The following WDR72 variants were observed in gnomAD, a reference collection of about 807,000 sequenced individuals.
WDR72 encodes the protein WD repeat-containing protein 72.
Under a neutral mutation model 124.2 loss-of-function variants are expected in WDR72, and 120 were observed. The ratio of observed to expected loss-of-function variants is 0.97; its 90% CI spans 0.83 to 1.12. The LOEUF (loss-of-function observed/expected upper bound fraction) is 1.12. Ranked by LOEUF, WDR72 falls within the 50% of genes most tolerant of loss-of-function variation. The pLI, the probability that WDR72 is intolerant of heterozygous loss-of-function variation, is 0.00. For synonymous variants in WDR72, 452 were observed against 441.7 expected (o/e 1.02, Z -0.29); for missense variants, 1,387 against 1,278.8 (o/e 1.08, Z -1.29).
rs190418311 is a variant in WDR72, at chr15:53,565,504, G to A, written c.3148+31575C>T. On this transcript the variant is annotated intron_variant, in intron 18 of 19. Coordinates refer to ENST00000360509, the MANE Select transcript of WDR72 (RefSeq NM_182758.4). ...GCCAAGACCTATTCTCCACACTCCTGTTCCAGTAAATTAAACAGTAAGGTA... is the reference window on the plus strand; with the variant it reads ...GCCAAGACCTATTCTCCACACTCCTATTCCAGTAAATTAAACAGTAAGGTA... Among the ~76,000 whole-genome samples, 38 of 151,984 alleles carry A rather than the reference G, an allele frequency of 2.5e-4. 1 individual carries two copies. The highest frequency in any genetic ancestry group is 8.9e-4 in the African/African-American group (37 of 41,496).
rs149920641 is a variant in WDR72, at chr15:53,676,556, C to T, written c.1766-10788G>A. On this transcript the variant is annotated intron_variant, in intron 13 of 19. Transcript: ENST00000360509. ...TGGCCTTTAGGAGCTGAAAGCAACA[C>T]CTGGCCACAGCCAGCAAGGCCCTCA... 2.0e-4 allele frequency among the ~76,000 whole-genome samples: 30 copies of T among 152,280 alleles called. No homozygotes were observed. The East Asian group carries it at 5.6e-3, about 28-fold the overall frequency.
intron 18 of WDR72, among the ~76,000 whole-genome samples, chr15:53,588,671 T>G (rs1595777944): frequency 6.6e-6 from 1 of 152,062 alleles, no homozygotes; most frequent in Non-Finnish European, 1.5e-5. Flanking sequence ...TACTAGACAC[T>G]GTGCTATCTG....
intron 1 of WDR72, 115 bp from the exon 2 acceptor site, chr15:53,733,276 T>G (rs2018257434): frequency 8.5e-7 from 1 of 1,172,500 alleles, no homozygotes. Context: ...GTTCTCCCAG[T>G]GCTATGGAAA....
chr15:53,716,686 C>G lies in WDR72; in HGVS notation c.261-1G>C, dbSNP rs2017720008. 1.9e-6 allele frequency: 3 copies of G among 1,573,242 alleles called. No homozygotes were observed. The highest frequency in any genetic ancestry group is 2.9e-5 in the African/African-American group (2 of 68,630). ...GGTGACATTCCAAACACACATCTCCCTAGCAGAAGATAACTTTGTGTTATT... is the reference window on the plus strand; with the variant it reads ...GGTGACATTCCAAACACACATCTCCGTAGCAGAAGATAACTTTGTGTTATT... On this transcript the variant is annotated splice_acceptor_variant, in intron 3 of 19. Transcript: ENST00000360509. LOFTEE classifies it high-confidence loss of function.
intron 18 of WDR72, among the ~76,000 whole-genome samples, chr15:53,581,239 G>T (rs1256567800): frequency 6.6e-6 from 1 of 152,024 alleles, no homozygotes; most frequent in Non-Finnish European, 1.5e-5. Context: ...TACTCTTTCT[G>T]CTTTCTTCTC....
Position 53,615,620 on chromosome 15 carries a change from T to G in WDR72, c.2586A>C (p.Leu862Phe), listed in dbSNP as rs925097786. ...ACAAGTCCAAAACTTTCCTGGAAAA[T>G]AAATTTACTCCTGAATAGTCTTTTA... ...GMIKDYSGVN[L>F]FSRKVLDLSD... The change falls in exon 15 of 20, where the codon TTA (leucine) becomes TTC (phenylalanine). Residue 862 changes from leucine (L) to phenylalanine (F), a missense_variant. By Grantham distance (22) the Leu-to-Phe change is conservative. Coordinates refer to ENST00000360509, the MANE Select transcript of WDR72 (RefSeq NM_182758.4). The G allele has an allele frequency of 2.5e-6, 4 of 1,612,564 alleles. No homozygotes were observed. The African/African-American group carries it at 5.3e-5, about 22-fold the overall frequency.
chr15:53,527,402 T>A (rs891639891), intron 18 of WDR72, among the ~76,000 whole-genome samples: 3 of 151,740 alleles, frequency 2.0e-5, no homozygotes, highest in African/African-American at 7.3e-5. Context: ...CATTTCCACA[T>A]CCCCAGCAAG....
In WDR72 at chr15:53,517,770, A is replaced by G. The variant is rs188666866; in HGVS notation, c.3254-16T>C. ...CTTGGCTCACCTAGGAAAAAAGCAG[A>G]TATCTTGGGTTATATGGTGAAATCT... On this transcript the variant is annotated splice_polypyrimidine_tract_variant and intron_variant, in intron 19 of 19. Coordinates refer to ENST00000360509, the MANE Select transcript of WDR72 (RefSeq NM_182758.4). 1.5e-4 allele frequency: 247 copies of G among 1,612,504 alleles called. No individual in the cohort carries two copies. The African/African-American group carries it at 2.8e-3, about 18-fold the overall frequency.
intron 13 of WDR72, among the ~76,000 whole-genome samples, chr15:53,676,924 C>CTTTTT (rs544909977): frequency 1.8e-4 from 24 of 135,586 alleles, no homozygotes; most frequent in African/African-American, 6.5e-4. Context: ...GAAATTCTTG[C>CTTTTT]TTTTTTTTTT....
intron 17 of WDR72, among the ~76,000 whole-genome samples, chr15:53,601,956 C>A (rs58124844): frequency 0.14 from 21,219 of 152,042 alleles, 2,319 homozygotes; most frequent in African/African-American, 0.3. Context: ...ATTAACAAAG[C>A]TATTCAGGAC....
At chr15:53,715,100 T>A in intron 5 of WDR72, 93 bp downstream of exon 5, 1 of 1,387,566 alleles carries the variant, frequency 7.2e-7, no homozygotes, top group Non-Finnish European at 1.0e-6. Context: ...GAAGCATTCT[T>A]TCTGAATTTC....
intron 14 of WDR72, among the ~76,000 whole-genome samples, chr15:53,630,956 AAC>A (rs1238027460): frequency 6.6e-6 from 1 of 152,230 alleles, no homozygotes; most frequent in Non-Finnish European, 1.5e-5. Context: ...GTATATAGAA[AAC>A]ACTAAGGTAT....
rs1282747117 is a variant in WDR72 at position 53,722,812 on chromosome 15, C to T, written c.250G>A (p.Ala84Thr). ...FSKQPYIVSA[A>T]ENGEMCVWNV... ...ACATACCATACCTACCCATTTTCAG[C>T]AGCACTAACAATGTAGGGCTGTTTA... The change falls in exon 3 of 20, where the codon GCT becomes ACT. Residue 84 changes from alanine to threonine, a missense_variant. Coordinates refer to ENST00000360509, the MANE Select transcript of WDR72 (RefSeq NM_182758.4). 6.2e-6 allele frequency: 10 copies of T among 1,613,258 alleles called. No homozygotes were observed. In the South Asian group the frequency reaches 1.1e-4, roughly 18 times the overall value.
chr15:53,597,954 G>A (rs1047005480), intron 17 of WDR72, among the ~76,000 whole-genome samples: 8 of 152,026 alleles, frequency 5.3e-5, no homozygotes, highest in Non-Finnish European at 1.0e-4. Flanking sequence ...ACACAGACTT[G>A]GTGGACAGAC....
At chr15:53,755,211 T>G (rs1016020886) in intron 1 of WDR72, among the ~76,000 whole-genome samples, 14 of 152,230 alleles carry the variant, frequency 9.2e-5, no homozygotes, top group Non-Finnish European at 2.1e-4. Context: ...TCCTTCCTGT[T>G]TATATTTTTT....
chr15:53,739,386 G>A (rs1309888843), intron 1 of WDR72, among the ~76,000 whole-genome samples: 13 of 152,092 alleles, frequency 8.5e-5, no homozygotes. Context: ...TCTAAGGCCC[G>A]GACAATTACT....
chr15:53,691,344 T>A (rs1363580306), intron 13 of WDR72, among the ~76,000 whole-genome samples: 1 of 152,146 alleles, frequency 6.6e-6, no homozygotes, highest in Non-Finnish European at 1.5e-5. Flanking sequence ...AGCCACCTTG[T>A]CCAGCCCTAT....
At chr15:53,554,077 G>GTGT (rs1566957889) in intron 18 of WDR72, among the ~76,000 whole-genome samples, 7 of 151,934 alleles carry the variant, frequency 4.6e-5, no homozygotes, top group Non-Finnish European at 8.8e-5. Flanking sequence ...GTGTTTACTT[G>GTGT]GTATTCTTTT....
At chr15:53,619,792 T>G (rs552739982) in intron 14 of WDR72, among the ~76,000 whole-genome samples, 1 of 152,208 alleles carries the variant, frequency 6.6e-6, no homozygotes, top group Non-Finnish European at 1.5e-5. Flanking sequence ...TCGTTTTGCT[T>G]TTTACCTCTA....
Sources: allele counts gnomAD v4.1 joint callset (sites outside exome capture counted in the v4.1 genomes callset), GRCh38; gene constraint gnomAD v4.1.1; transcripts MANE v1.5; gene names NCBI Gene and HGNC (gene_info 2026-07-23, HGNC 2026-07-21).